The following PAPPA variants were observed in gnomAD, a reference collection of about 807,000 sequenced individuals.
The protein encoded by PAPPA is pappalysin-1.
A neutral mutation model predicts 164.0 loss-of-function variants in PAPPA; 60 were observed. The observed-to-expected ratio is 0.37, with a 90% CI of 0.30 to 0.45. The LOEUF is 0.45. Ranked by LOEUF, PAPPA falls within the 20% of genes least tolerant of loss-of-function variation. The pLI, the probability that PAPPA is intolerant of heterozygous loss-of-function variation, is 1.00. For synonymous variants in PAPPA, 875 were observed against 814.1 expected (o/e 1.07, Z -1.27); for missense variants, 1,782 against 2,087.3 (o/e 0.85, Z 2.85).
chr9:116,287,598 A>G (rs2118856280), intron 9 of PAPPA: 1 of 152,358 alleles, frequency 6.6e-6, no homozygotes, highest in Middle Eastern at 3.4e-3. Context: ...CCTGTTGGGA[A>G]AAGTTGAATG....
intron 7 of PAPPA, among the ~76,000 whole-genome samples, chr9:116,262,553 C>T (rs538124328): frequency 7.2e-4 from 109 of 152,206 alleles, no homozygotes; most frequent in Middle Eastern, 3.4e-3. Flanking sequence ...AATATTCTGA[C>T]GATGTTGGCA....
At chr9:116,366,414 T>C (rs550068874) in intron 18 of PAPPA, among the ~76,000 whole-genome samples, 1 of 152,322 alleles carries the variant, frequency 6.6e-6, no homozygotes, top group African/African-American at 2.4e-5. Flanking sequence ...TTTGACTCAT[T>C]ACCTGATTTT....
intron 17 of PAPPA, among the ~76,000 whole-genome samples, chr9:116,356,304 AAT>A (rs1216238451): frequency 6.6e-6 from 1 of 152,178 alleles, no homozygotes; most frequent in Non-Finnish European, 1.5e-5. Context: ...CTACATACCT[AAT>A]AGTTTGTTTG....
rs144381373 is a variant in PAPPA at position 116,216,781 on chromosome 9, G to A, written c.1919-3156G>A. Among the ~76,000 whole-genome samples the A allele has an allele frequency of 1.6e-4, 24 of 151,832 alleles. No homozygotes were observed. The South Asian group carries it at 2.5e-3, about 16-fold the overall frequency. ...TTTTGAGGCGGAGTCTTACTCTGTC[G>A]CCCAGGCTGGAGTGCAGTGGTGTGA... On this transcript the variant is annotated intron_variant, in intron 4 of 21. Transcript: ENST00000328252.
chr9:116,215,638 G>A (rs1178109267), intron 4 of PAPPA, among the ~76,000 whole-genome samples: 5 of 152,072 alleles, frequency 3.3e-5, no homozygotes, highest in Admixed American at 1.3e-4. Flanking sequence ...AATTGCTAAC[G>A]GGTACTGGCC....
chr9:116,156,320 G>T (rs929559804), intron 1 of PAPPA, among the ~76,000 whole-genome samples: 1 of 137,578 alleles, frequency 7.3e-6, no homozygotes, highest in African/African-American at 2.8e-5. Flanking sequence ...ATATATGTGT[G>T]TATATATATA....
At chr9:116,381,514 A>C (rs576707665) in intron 20 of PAPPA, among the ~76,000 whole-genome samples, 3 of 152,314 alleles carry the variant, frequency 2.0e-5, no homozygotes, top group African/African-American at 7.2e-5. Context: ...AGACTCCTGG[A>C]CTTTCCCCTA....
intron 9 of PAPPA, among the ~76,000 whole-genome samples, chr9:116,292,217 T>A (rs1845445323): frequency 6.6e-6 from 1 of 152,140 alleles, no homozygotes. Context: ...CTCTTCCACA[T>A]GAGATGTTAA....
rs79222903 is a variant in PAPPA at position 116,170,206 on chromosome 9, G to A, written c.415+15619G>A. Among the ~76,000 whole-genome samples the A allele has an allele frequency of 5.5e-3, 838 of 152,204 alleles. 8 individuals are homozygous for A. The highest frequency in any genetic ancestry group is 0.01 in the Middle Eastern group (3 of 292). On this transcript the variant is annotated intron_variant, in intron 1 of 21. Transcript: ENST00000328252. ...CATACCAGGTCATTTCCTGAAGCTT[G>A]TTCCCAGCTCTAAAATATGAACACT...
intron 7 of PAPPA, among the ~76,000 whole-genome samples, chr9:116,239,721 A>C (rs1360504253): frequency 6.6e-6 from 1 of 152,172 alleles, no homozygotes; most frequent in East Asian, 1.9e-4. Flanking sequence ...CCTCAAACTT[A>C]AGTCTAATTC....
chr9:116,165,577 C>A lies in PAPPA; in HGVS notation c.415+10990C>A, dbSNP rs144346608. 1.8e-4 allele frequency among the ~76,000 whole-genome samples: 27 copies of A among 152,300 alleles called. 1 individual carries two copies. Among genetic ancestry groups the A allele is most frequent in the African/African-American group, 5.5e-4 (23 of 41,568 alleles). ...CCACTTCTCTGAAATTCAATCCCTG[C>A]ACCCCCTTCAACCTGCCCACCAACA... is the stretch of plus-strand genomic sequence containing the variant. On this transcript the variant is annotated intron_variant, in intron 1 of 21. Transcript: ENST00000328252.
intron 18 of PAPPA, among the ~76,000 whole-genome samples, chr9:116,366,531 A>G (rs971589763): frequency 6.6e-6 from 1 of 152,218 alleles, no homozygotes; most frequent in African/African-American, 2.4e-5. Context: ...TCAGTCAGTC[A>G]TCATGCCATT....
chr9:116,157,258 C>T (rs899839079), intron 1 of PAPPA, among the ~76,000 whole-genome samples: 2 of 152,238 alleles, frequency 1.3e-5, no homozygotes, highest in Admixed American at 1.3e-4. Flanking sequence ...CTATTTCTGC[C>T]CCGGTTCAAA....
At chr9:116,183,109 AT>A (rs888059214) in intron 1 of PAPPA, among the ~76,000 whole-genome samples, 26 of 149,070 alleles carry the variant, frequency 1.7e-4, no homozygotes, top group East Asian at 9.8e-4. Context: ...AATTAGCACC[AT>A]TTTTTTTTTG....
chr9:116,198,036 C>T (rs189378501), intron 2 of PAPPA, among the ~76,000 whole-genome samples: 8 of 152,250 alleles, frequency 5.3e-5, no homozygotes, highest in African/African-American at 1.9e-4. Flanking sequence ...ATTGTCTTTG[C>T]TTAGTTGTGA....
At position 116,187,523 on chromosome 9, in the gene PAPPA, C is replaced by A; in HGVS notation, c.785C>A (p.Ala262Asp). The A allele has an allele frequency of 1.2e-6, 2 of 1,614,166 alleles. No individual in the cohort carries two copies. The highest frequency in any genetic ancestry group is 1.7e-6 in the Non-Finnish European group (2 of 1,180,008). Residue 262 changes from alanine to aspartate, a missense_variant, in exon 2 of 22, where the codon GCC (alanine) becomes GAC (aspartate). Physicochemically the swap from Ala to Asp is moderately radical, Grantham distance 126 (BLOSUM62 -2). Coordinates refer to ENST00000328252, the MANE Select transcript of PAPPA (RefSeq NM_002581.5). The surrounding 1 kb of genome is among the most constrained non-coding windows in gnomAD (Gnocchi z 4.2). ...GAGCACTTCAGTCTGTGGAAGGTGG[C>A]CAGGACTCAGCGGGAGATACTGTCT... ...YIEHFSLWKV[A>D]RTQREILSDM...
intron 10 of PAPPA, among the ~76,000 whole-genome samples, chr9:116,311,056 CT>C (rs56043415): frequency 0.17 from 20,802 of 120,208 alleles, 1,613 homozygotes; most frequent in Non-Finnish European, 0.23. Flanking sequence ...AACATGTGGA[CT>C]TTTTTTTTTT....
intron 8 of PAPPA, among the ~76,000 whole-genome samples, chr9:116,266,274 A>T (rs1464720178): frequency 6.6e-6 from 1 of 152,204 alleles, no homozygotes; most frequent in African/African-American, 2.4e-5. Context: ...CAGTTGCTTT[A>T]TGTGTGCTAC....
At chr9:116,173,837 A>G (rs1218670473) in intron 1 of PAPPA, among the ~76,000 whole-genome samples, 1 of 152,168 alleles carries the variant, frequency 6.6e-6, no homozygotes, top group African/African-American at 2.4e-5. Context: ...CTTTCTGCTG[A>G]GCTCTATTTG....
Sources: allele counts gnomAD v4.1 joint callset (sites outside exome capture counted in the v4.1 genomes callset), GRCh38; gene constraint gnomAD v4.1.1; non-coding constraint Gnocchi (gnomAD v3.1); transcripts MANE v1.5; gene names NCBI Gene and HGNC (gene_info 2026-07-23, HGNC 2026-07-21).